ZNF362: variants seen among roughly 807,000 people sequenced by gnomAD.
ZNF362 encodes the protein rotund homolog.
A neutral mutation model predicts 42.9 loss-of-function variants in ZNF362; 11 were observed. The observed-to-expected ratio is 0.26, with a 90% CI of 0.16 to 0.42. The LOEUF is 0.42. Ranked by LOEUF, ZNF362 falls within the 20% of genes least tolerant of loss-of-function variation. The probability of loss-of-function intolerance (pLI) is 1.00; values close to 1 mark genes in which losing one functional copy is unlikely to be tolerated. For missense variants in ZNF362, 362 were observed against 576.2 expected (o/e 0.63, Z 3.81); for synonymous variants, 255 against 257.3 (o/e 0.99, Z 0.09).
At chr1:33,272,321 C>G (rs886954996) in intron 2 of ZNF362, among the ~76,000 whole-genome samples, 1 of 152,060 alleles carries the variant, frequency 6.6e-6, no homozygotes, top group African/African-American at 2.4e-5. Flanking sequence ...GCTTGGGGCT[C>G]GGGGAGGGCA....
At chr1:33,298,856 G>T in intron 8 of ZNF362, 74 bp from the exon 9 acceptor site, 1 of 1,306,760 alleles carries the variant, frequency 7.7e-7, no homozygotes, top group South Asian at 1.2e-5. Flanking sequence ...TCCAGTGGCT[G>T]CTGGTGGGAA....
At chr1:33,256,301 C>T (rs1444295311), upstream of ZNF362, among the ~76,000 whole-genome samples, 3 of 143,338 alleles carry the variant, frequency 2.1e-5, no homozygotes, top group Admixed American at 1.4e-4. Flanking sequence ...CGCCAGCGCC[C>T]GGCGCTGCCC....
chr1:33,165,429 T>C, the ZNF362 span: 1 of 1,476,792 alleles, frequency 6.8e-7, no homozygotes. The surrounding 1 kb of genome is among the most constrained non-coding windows in gnomAD (Gnocchi z 4.0). Flanking sequence ...AGCCCTGCCC[T>C]CATCTCTGCC....
rs192647832 is a variant in ZNF362, at chr1:33,293,382, T to C, written c.909-1555T>C. Among the ~76,000 whole-genome samples, 797 of 135,794 alleles carry C rather than the reference T, an allele frequency of 5.9e-3. 10 individuals carry two copies. The highest frequency in any genetic ancestry group is 0.02 in the African/African-American group (668 of 32,780). 89.1% of individuals were successfully genotyped at this position (135,794 alleles called of 152,430 possible). ...CCACCTGGTGAAGGCTTGAATGACA[T>C]ATAAGGAATTTGGACTTTGTCAGTG... On this transcript the variant is annotated intron_variant, in intron 6 of 8. Coordinates refer to ENST00000539719, the MANE Select transcript of ZNF362 (RefSeq NM_152493.3).
chr1:33,156,259 A>G, the ZNF362 span, among the ~76,000 whole-genome samples: 1 of 151,540 alleles, frequency 6.6e-6, no homozygotes, highest in Non-Finnish European at 1.5e-5. Context: ...GCACTGCCAC[A>G]CTCTCTCTCC....
chr1:33,221,873 T>C, the ZNF362 span, among the ~76,000 whole-genome samples: 480 of 152,216 alleles, frequency 3.2e-3, 18 homozygotes, highest in East Asian at 0.082. Flanking sequence ...GTGGATAGGC[T>C]GTGGGAAGGC....
chr1:33,246,507 G>A, the ZNF362 span, among the ~76,000 whole-genome samples: 188 of 152,282 alleles, frequency 1.2e-3, no homozygotes, highest in Non-Finnish European at 2.1e-3. Flanking sequence ...TTTCCAGGTG[G>A]GTGTAGTGAT....
intron 1 of ZNF362, among the ~76,000 whole-genome samples, chr1:33,265,694 TCCCTCTCCTAGACCATCTGCTTA>T (rs1645860583): frequency 6.6e-6 from 1 of 152,032 alleles, no homozygotes; most frequent in East Asian, 1.9e-4. Context: ...AGCCTCAGTT[TCCCTCTCCTAGACCATCTGCTTA>T]TCCTCTCCAG....
the ZNF362 span, among the ~76,000 whole-genome samples, chr1:33,225,471 T>A: frequency 6.6e-6 from 1 of 152,164 alleles, no homozygotes; most frequent in Non-Finnish European, 1.5e-5. Flanking sequence ...GCTCTTTTAA[T>A]CAGAAGGGTC....
Position 33,297,511 on chromosome 1 carries a change from C to CTTTTTTTTTTTTT in ZNF362, c.1147-1418_1147-1417insTTTTTTTTTTTTT, listed in dbSNP as rs776504622. 1.0e-4 allele frequency among the ~76,000 whole-genome samples: 8 copies of CTTTTTTTTTTTTT among 78,906 alleles called. 3 individuals are homozygous for CTTTTTTTTTTTTT. The highest frequency in any genetic ancestry group is 2.3e-5 in the Non-Finnish European group (1 of 43,470). 51.8% of individuals were successfully genotyped at this position (78,906 alleles called of 152,430 possible). ...ATGATTTGGTGTATTTACATGATTC[C>CTTTTTTTTTTTTT]TCTTTTTTTTTTTTTTTTTGAGACG... On this transcript the variant is annotated intron_variant, in intron 8 of 8. Coordinates refer to ENST00000539719, the MANE Select transcript of ZNF362 (RefSeq NM_152493.3).
chr1:33,180,954 GACCCCACCCCCCGCCC>G, the ZNF362 span: 5 of 883,060 alleles, frequency 5.7e-6, no homozygotes, highest in South Asian at 1.5e-5. Flanking sequence ...GTCCAGCCCT[GACCCCACCCCCCGCCC>G]GGCCCCACCT....
the ZNF362 span, among the ~76,000 whole-genome samples, chr1:33,140,369 C>T: frequency 6.6e-6 from 1 of 152,218 alleles, no homozygotes; most frequent in African/African-American, 2.4e-5. This position sits in a 1 kb window ranked among gnomAD's most constrained non-coding sequence, Gnocchi z 4.0. Flanking sequence ...ATCTGCTTCT[C>T]CCTTCTCCCA....
the ZNF362 span, among the ~76,000 whole-genome samples, chr1:33,237,317 T>C: frequency 1.1e-4 from 16 of 152,192 alleles, no homozygotes; most frequent in African/African-American, 3.6e-4. Context: ...CTGTTACTGT[T>C]GTTGTTGTTA....
upstream of ZNF362, among the ~76,000 whole-genome samples, chr1:33,254,014 A>C (rs566478361): frequency 1.3e-5 from 2 of 152,202 alleles, no homozygotes; most frequent in African/African-American, 4.8e-5. Context: ...ATTTGTTACG[A>C]TTTGTTATAA....
At chr1:33,147,569 A>C in the ZNF362 span, 2 of 1,613,766 alleles carry the variant, frequency 1.2e-6, 1 homozygote, top group South Asian at 2.2e-5. The surrounding 1 kb of genome is among the most constrained non-coding windows in gnomAD (Gnocchi z 8.1). Flanking sequence ...CCACTACTGA[A>C]GGCTTCAGAA....
At chr1:33,189,168 A>G in the ZNF362 span, among the ~76,000 whole-genome samples, 127 of 152,200 alleles carry the variant, frequency 8.3e-4, no homozygotes, top group African/African-American at 2.9e-3. Flanking sequence ...GTAAGAGTGC[A>G]CTTTTGTTTT....
At chr1:33,190,467 C>G in the ZNF362 span, among the ~76,000 whole-genome samples, 1 of 152,190 alleles carries the variant, frequency 6.6e-6, no homozygotes, top group African/African-American at 2.4e-5. Context: ...ATAGAAGGGG[C>G]AGCCACCACT....
the ZNF362 span, chr1:33,147,041 T>A: frequency 1.2e-6 from 1 of 860,580 alleles, no homozygotes; most frequent in South Asian, 1.7e-5. The surrounding 1 kb of genome is among the most constrained non-coding windows in gnomAD (Gnocchi z 8.1). Flanking sequence ...TTTTACAGAC[T>A]GGAGGCTGGA....
rs1326394017 is a variant in ZNF362, at chr1:33,299,497, C to G, written c.*451C>G. On this transcript the variant is annotated 3_prime_UTR_variant, in exon 9 of 9. Coordinates refer to ENST00000539719, the MANE Select transcript of ZNF362 (RefSeq NM_152493.3). ...ATGTGGGACCTTCTCTTGCCATGGCCTCAGGTCTTGAGGGAAGGCTCGGGC... is the reference window on the plus strand; with the variant it reads ...ATGTGGGACCTTCTCTTGCCATGGCGTCAGGTCTTGAGGGAAGGCTCGGGC... The G allele has an allele frequency of 6.4e-6, 1 of 156,874 alleles. No individual in the cohort carries two copies. Among genetic ancestry groups the G allele is most frequent in the African/African-American group, 2.4e-5 (1 of 41,446 alleles). The allele number at this position is 156,874 out of a possible 1,614,324, so 9.7% of individuals were successfully genotyped here.
Sources: allele counts gnomAD v4.1 joint callset (sites outside exome capture counted in the v4.1 genomes callset), GRCh38; gene constraint gnomAD v4.1.1; non-coding constraint Gnocchi (gnomAD v3.1); transcripts MANE v1.5; gene names NCBI Gene and HGNC (gene_info 2026-07-23, HGNC 2026-07-21).